Variants in SLC29A4 observed in about 807,000 individuals in gnomAD.
SLC29A4 encodes equilibrative nucleoside transporter 4.
In SLC29A4, 36 loss-of-function variants were observed where a neutral mutation model predicts 43.9. That is an observed-to-expected ratio of 0.82 (90% CI 0.63 to 1.08). The LOEUF (loss-of-function observed/expected upper bound fraction) is 1.08. Among genes scored for constraint, SLC29A4 ranks in the 50% least tolerant of loss-of-function variants. The pLI, the probability that SLC29A4 is intolerant of heterozygous loss-of-function variation, is 0.00. For synonymous variants in SLC29A4, 491 were observed against 338.0 expected (o/e 1.45, Z -4.97); for missense variants, 869 against 755.3 (o/e 1.15, Z -1.77).
chr7:5,284,263 G>C (rs1481177042), intron 1 of SLC29A4, among the ~76,000 whole-genome samples: 4 of 151,668 alleles, frequency 2.6e-5, no homozygotes, highest in Non-Finnish European at 4.4e-5. Flanking sequence ...GGAGAGCGGT[G>C]GGAGCCCTGC....
At chr7:5,294,559 C>T (rs1431221121) in intron 5 of SLC29A4, among the ~76,000 whole-genome samples, 1 of 152,158 alleles carries the variant, frequency 6.6e-6, no homozygotes, top group Admixed American at 6.6e-5. Flanking sequence ...ATGGCCTCTC[C>T]TGTCCCTGCC....
intron 6 of SLC29A4, 58 bp from the exon 7 acceptor site, chr7:5,296,878 C>A: frequency 7.7e-7 from 1 of 1,292,900 alleles, no homozygotes; most frequent in South Asian, 1.4e-5. Flanking sequence ...TGGGGCGGGA[C>A]GGGGCGGTGC....
rs1583658178 is a variant in SLC29A4, at chr7:5,291,729, G to A, written c.452G>A (p.Ser151Asn). The change falls in exon 5 of 11, where the codon AGC becomes AAC. Residue 151 changes from serine to asparagine, a missense_variant. By Grantham distance (46) the Ser-to-Asn change is conservative. Coordinates refer to ENST00000396872, the MANE Select transcript of SLC29A4 (RefSeq NM_153247.4). ...GCCTTGGGCCCTCTCCTTTTTATCA[G>A]CATCTGCGACGTGTGGCTGCAGCTC... ...LLALGPLLFI[S>N]ICDVWLQLFS... 2 of 1,611,940 alleles carry A rather than the reference G, an allele frequency of 1.2e-6. No individual in the cohort carries two copies. Among genetic ancestry groups the A allele is most frequent in the East Asian group, 2.2e-5 (1 of 44,884 alleles).
chr7:5,298,908 C>G (rs1035703912), intron 7 of SLC29A4, 80 bp from the exon 8 acceptor site: 4 of 1,514,976 alleles, frequency 2.6e-6, no homozygotes, highest in Non-Finnish European at 2.7e-6. Context: ...TGCGGCTCTT[C>G]TGATTGGGCC....
At chr7:5,286,469 GC>G (rs1188194423) in intron 1 of SLC29A4, among the ~76,000 whole-genome samples, 1 of 150,904 alleles carries the variant, frequency 6.6e-6, no homozygotes, top group Non-Finnish European at 1.5e-5. Flanking sequence ...GTTGCAGCGA[GC>G]CAAGATTGCT....
Position 5,296,973 on chromosome 7 carries a change from C to A in SLC29A4, c.657C>A (p.Leu219=). 6.2e-7 allele frequency: 1 copy of A among 1,600,692 alleles called. No individual in the cohort carries two copies. The highest frequency in any genetic ancestry group is 1.3e-5 in the African/African-American group (1 of 74,882). The change falls in exon 7 of 11, where the codon CTC becomes CTA. Residue 219 remains leucine, a synonymous_variant. Transcript: ENST00000396872. ...TGATGATCTCTCTGAGCCGCATCCT[C>A]ACGAAGCTGCTGCTGCCCGACGAGC... ...AGVMISLSRI[L]TKLLLPDERA...
Position 5,297,008 on chromosome 7 carries a change from C to G in SLC29A4, c.692C>G (p.Thr231Arg). The change falls in exon 7 of 11, where the codon ACG (threonine) becomes AGG (arginine). Residue 231 changes from threonine to arginine, a missense_variant. Coordinates refer to ENST00000396872, the MANE Select transcript of SLC29A4 (RefSeq NM_153247.4). ...KLLLPDERAS[T>R]LIFFLVSVAL... is the part of the protein sequence containing the mutation. ...CTGCTGCCCGACGAGCGCGCCAGCA[C>G]GCTCATCTTCTTCCTGGTGTCGGTG... is the stretch of plus-strand genomic sequence containing the variant. The G allele has an allele frequency of 1.2e-6, 2 of 1,605,176 alleles. No individual in the cohort carries two copies. Among genetic ancestry groups the G allele is most frequent in the Non-Finnish European group, 1.7e-6 (2 of 1,179,600 alleles).
chr7:5,290,052 ATT>A (rs386409422), intron 2 of SLC29A4, among the ~76,000 whole-genome samples: 1 of 117,252 alleles, frequency 8.5e-6, no homozygotes, highest in Non-Finnish European at 1.7e-5. Flanking sequence ...TGCCCAGCTA[ATT>A]TTTTTTTTTT....
chr7:5,299,351 T>A lies in SLC29A4; in HGVS notation c.1133T>A (p.Ile378Asn). 1 of 1,612,070 alleles carries A rather than the reference T, an allele frequency of 6.2e-7. No homozygotes were observed. Among genetic ancestry groups the A allele is most frequent in the Non-Finnish European group, 8.5e-7 (1 of 1,179,850 alleles). The change falls in exon 9 of 11, where the codon ATC becomes AAC. Residue 378 changes from isoleucine to asparagine, a missense_variant. Transcript: ENST00000396872. ...CTGTTCCCCGGCCTCGAGTCTGAGA[T>A]CCGCCACTGCATCCTGGGCGAGTGG... is the stretch of plus-strand genomic sequence containing the variant. ...LCLFPGLESE[I>N]RHCILGEWLP...
In SLC29A4 at chr7:5,296,046, C is replaced by T. The variant is rs377455522; in HGVS notation, c.620-890C>T. On this transcript the variant is annotated intron_variant, in intron 6 of 10. Coordinates refer to ENST00000396872, the MANE Select transcript of SLC29A4 (RefSeq NM_153247.4). The stretch of plus-strand genomic sequence containing the variant: ...CTGCCCACCCCAAGGCCCTCCCTCC[C>T]GGCCTCGTGACCCTAATGGCGGCTT... Among the ~76,000 whole-genome samples the T allele has an allele frequency of 3.3e-4, 51 of 152,242 alleles. No homozygotes were observed. In the East Asian group the frequency reaches 7.6e-3, roughly 23 times the overall value.
intron 1 of SLC29A4, among the ~76,000 whole-genome samples, chr7:5,284,611 GCCCTGGGTTGCCTT>G (rs1311286823): frequency 3.9e-5 from 6 of 152,244 alleles, no homozygotes; most frequent in African/African-American, 1.4e-4. Context: ...AGGGCAGGAG[GCCCTGGGTTGCCTT>G]CCCTGGGGCG....
At chr7:5,292,806 C>G (rs1313385739) in intron 5 of SLC29A4, among the ~76,000 whole-genome samples, 2 of 138,186 alleles carry the variant, frequency 1.4e-5, no homozygotes, top group East Asian at 4.8e-4. Flanking sequence ...TCAAGTGATT[C>G]TCCTGTCTCA....
chr7:5,297,540 C>A (rs1360014474), intron 7 of SLC29A4, among the ~76,000 whole-genome samples: 1 of 152,238 alleles, frequency 6.6e-6, no homozygotes, highest in Non-Finnish European at 1.5e-5. Context: ...CCTGGGACAG[C>A]CCACGTTCAT....
chr7:5,294,777 C>G, intron 5 of SLC29A4, 83 bp from the exon 6 acceptor site: 5 of 1,431,940 alleles, frequency 3.5e-6, no homozygotes, highest in South Asian at 1.1e-5. Flanking sequence ...CCCTCGTCCA[C>G]CAACACAGTT....
chr7:5,286,028 CAAA>C, intron 1 of SLC29A4, among the ~76,000 whole-genome samples: 1 of 151,324 alleles, frequency 6.6e-6, no homozygotes, highest in South Asian at 2.1e-4. Context: ...AAACAAAAAA[CAAA>C]AAAATCAAGG....
rs1785251755 is a variant in SLC29A4, at chr7:5,290,745, A to G, written c.183A>G (p.Pro61=). 6.2e-7 allele frequency: 1 copy of G among 1,611,974 alleles called. No homozygotes were observed. The highest frequency in any genetic ancestry group is 8.5e-7 in the Non-Finnish European group (1 of 1,178,490). ...PAFTDTTLDE[P]VPDDRYHAIY... The stretch of plus-strand genomic sequence containing the variant: ...CTCTGGCTTTAGCATTGGACGAGCC[A>G]GTGCCCGATGACCGTTATCACGCCA... The change falls in exon 3 of 11, where the codon CCA becomes CCG. Residue 61 remains proline (P), a synonymous_variant. Transcript: ENST00000396872.
chr7:5,298,675 C>T (rs953783197), intron 7 of SLC29A4, among the ~76,000 whole-genome samples: 7 of 152,168 alleles, frequency 4.6e-5, no homozygotes, highest in African/African-American at 1.4e-4. Context: ...TGGCGCATGG[C>T]TGTAGTCCCT....
chr7:5,292,355 C>T (rs1583659462), intron 5 of SLC29A4, among the ~76,000 whole-genome samples: 1 of 152,168 alleles, frequency 6.6e-6, no homozygotes, highest in East Asian at 1.9e-4. Context: ...CCCAAGCAAT[C>T]CTCCCACCTC....
At chr7:5,291,398 G>A (rs776785466) in intron 4 of SLC29A4, among the ~76,000 whole-genome samples, 161 bp downstream of exon 4, 10 of 152,186 alleles carry the variant, frequency 6.6e-5, no homozygotes, top group Non-Finnish European at 1.5e-4. Flanking sequence ...CCGTGGTGGG[G>A]CCTCTGTACC....
Sources: allele counts gnomAD v4.1 joint callset (sites outside exome capture counted in the v4.1 genomes callset), GRCh38; gene constraint gnomAD v4.1.1; transcripts MANE v1.5; gene names NCBI Gene and HGNC (gene_info 2026-07-23, HGNC 2026-07-21).